The following NIPBL variants were observed in gnomAD, a reference collection of about 807,000 sequenced individuals.
NIPBL encodes the protein nipped-B-like protein.
In NIPBL, 19 loss-of-function variants were observed where a neutral mutation model predicts 321.8. That is an observed-to-expected ratio of 0.06 (90% confidence interval 0.04 to 0.09). The LOEUF (loss-of-function observed/expected upper bound fraction) is 0.09. NIPBL is among the 10% of genes least tolerant of loss of function. The pLI, the probability that NIPBL is intolerant of heterozygous loss-of-function variation, is 1.00. For synonymous variants in NIPBL, 1,106 were observed against 1,114.1 expected, an observed-to-expected ratio of 0.99 and a Z score of 0.14; for missense variants, 2,210 against 3,327.0, an observed-to-expected ratio of 0.66 and a Z score of 8.26.
chr5:36,885,339 G>A (rs763801704), intron 1 of NIPBL: 17 of 480,324 alleles, frequency 3.5e-5, no homozygotes, highest in Non-Finnish European at 6.2e-5. Flanking sequence ...TCTGGTTCGC[G>A]GATCTCCGTG....
At chr5:36,885,434 A>T in intron 1 of NIPBL, 1 of 461,820 alleles carries the variant, frequency 2.2e-6, no homozygotes, top group East Asian at 5.3e-5. Flanking sequence ...AATGGGAGGC[A>T]TCCAGAACAA....
chr5:36,967,547 T>G (rs1191622613), intron 6 of NIPBL, among the ~76,000 whole-genome samples: 1 of 152,150 alleles, frequency 6.6e-6, no homozygotes, highest in Non-Finnish European at 1.5e-5. Flanking sequence ...AATTACAATC[T>G]GGATACCAAA....
intron 32 of NIPBL, among the ~76,000 whole-genome samples, chr5:37,027,737 G>T (rs1750472455): frequency 6.7e-6 from 1 of 149,538 alleles, no homozygotes; most frequent in African/African-American, 2.5e-5. Flanking sequence ...TCCTGCCTCA[G>T]CCTCCAGAGT....
chr5:36,877,231 T>G (rs983524774), intron 1 of NIPBL, 53 bp downstream of exon 1: 1 of 180,356 alleles, frequency 5.5e-6, no homozygotes, highest in Non-Finnish European at 1.2e-5. Context: ...CGGCGCCAGG[T>G]CCTCAGCGTC....
At chr5:37,038,548 G>A (rs982893092) in intron 33 of NIPBL, 54 bp from the exon 34 acceptor site, 2 of 1,536,326 alleles carry the variant, frequency 1.3e-6, no homozygotes, top group Non-Finnish European at 1.8e-6. Flanking sequence ...ATTCTGTATA[G>A]TTTCCACTAC....
chr5:36,972,090 G>A (rs749278514), intron 8 of NIPBL, 49 bp downstream of exon 8: 1 of 1,253,512 alleles, frequency 8.0e-7, no homozygotes, highest in Non-Finnish European at 1.2e-6. Flanking sequence ...ATTTGAAGTT[G>A]AATAAAGAAC....
chr5:36,998,653 A>G (rs1183366958), intron 11 of NIPBL, among the ~76,000 whole-genome samples: 1 of 152,154 alleles, frequency 6.6e-6, no homozygotes, highest in Non-Finnish European at 1.5e-5. Context: ...CTCTGCCCAC[A>G]TAAGAAAATA....
At chr5:36,877,610 C>T (rs536755009) in intron 1 of NIPBL, among the ~76,000 whole-genome samples, 2 of 152,352 alleles carry the variant, frequency 1.3e-5, no homozygotes, top group African/African-American at 4.8e-5. Context: ...ATATTTACAA[C>T]TTTCCCGGTC....
At chr5:37,059,203 C>CAACA (rs1275405202) in intron 44 of NIPBL, 38 bp downstream of exon 44, 1 of 1,605,652 alleles carries the variant, frequency 6.2e-7, no homozygotes, top group Non-Finnish European at 8.5e-7. Context: ...AAACTTCACT[C>CAACA]TGTTCAAATA....
chr5:36,903,815 A>G (rs1747418674), intron 1 of NIPBL, among the ~76,000 whole-genome samples: 1 of 152,190 alleles, frequency 6.6e-6, no homozygotes, highest in Non-Finnish European at 1.5e-5. Flanking sequence ...TACACCATCC[A>G]AAGATTGCCG....
chr5:36,893,081 A>C (rs1580161717), intron 1 of NIPBL, among the ~76,000 whole-genome samples: 1 of 152,116 alleles, frequency 6.6e-6, no homozygotes, highest in East Asian at 1.9e-4. Context: ...AATGTTCTTT[A>C]ATAACTATTT....
chr5:36,945,627 G>C (rs1439843900), intron 1 of NIPBL, among the ~76,000 whole-genome samples: 4 of 152,188 alleles, frequency 2.6e-5, no homozygotes, highest in African/African-American at 9.6e-5. Context: ...GCAAGTGTCT[G>C]AAGAGAGTTT....
chr5:36,975,800 A>T lies in NIPBL; in HGVS notation c.893A>T (p.Gln298Leu), dbSNP rs756882182. 2.0e-5 allele frequency: 32 copies of T among 1,613,594 alleles called. No individual in the cohort carries two copies. The highest frequency in any genetic ancestry group is 2.6e-5 in the Non-Finnish European group (31 of 1,179,846). The change falls in exon 9 of 47, where the codon CAA (glutamine) becomes CTA (leucine). Residue 298 changes from glutamine to leucine, a missense_variant. Gln to Leu is a moderately radical substitution (Grantham distance 113). Coordinates refer to ENST00000282516, the MANE Select transcript of NIPBL (RefSeq NM_133433.4). ...PKGSRPPLIL[Q>L]SQSLPCSSPR... The stretch of plus-strand genomic sequence containing the variant: ...GGCTCAAGACCACCTTTAATCCTAC[A>T]ATCTCAGTCTCTACCTTGTTCATCA...
chr5:36,993,922 T>G (rs181174015), intron 10 of NIPBL, among the ~76,000 whole-genome samples: 157 of 152,266 alleles, frequency 1.0e-3, no homozygotes, highest in Non-Finnish European at 1.8e-3. Flanking sequence ...TATCCATATA[T>G]ATGTACTCAA....
chr5:36,970,729 A>C (rs1190249787), intron 6 of NIPBL, 147 bp from the exon 7 acceptor site: 4 of 692,736 alleles, frequency 5.8e-6, no homozygotes, highest in Non-Finnish European at 9.9e-6. Flanking sequence ...CAGAGTGTTA[A>C]GATTTGATGA....
chr5:37,053,845 C>T (rs1224768123), intron 42 of NIPBL, among the ~76,000 whole-genome samples: 1 of 152,146 alleles, frequency 6.6e-6, no homozygotes, highest in Non-Finnish European at 1.5e-5. Context: ...ATAGTAAAAA[C>T]AGATATGGTT....
chr5:36,881,724 C>T (rs16903379), intron 1 of NIPBL, among the ~76,000 whole-genome samples: 25 of 151,816 alleles, frequency 1.6e-4, no homozygotes, highest in African/African-American at 6.0e-4. Flanking sequence ...GTCACTTAGT[C>T]AAGAAAATTG....
chr5:36,880,796 G>A (rs552294280), intron 1 of NIPBL, among the ~76,000 whole-genome samples: 23 of 152,004 alleles, frequency 1.5e-4, no homozygotes, highest in Admixed American at 3.9e-4. Flanking sequence ...CCTTTTTCAA[G>A]GTGACCTGAG....
chr5:37,005,067 G>T (rs1302563038), intron 16 of NIPBL, among the ~76,000 whole-genome samples: 2 of 152,018 alleles, frequency 1.3e-5, no homozygotes, highest in Non-Finnish European at 2.9e-5. Context: ...GAAACATGAG[G>T]ATTTTTTGCA....
Sources: allele counts gnomAD v4.1 joint callset (sites outside exome capture counted in the v4.1 genomes callset), GRCh38; gene constraint gnomAD v4.1.1; transcripts MANE v1.5; gene names NCBI Gene and HGNC (gene_info 2026-07-23, HGNC 2026-07-21).